Variants in RYR2 observed in about 807,000 individuals in gnomAD.
RYR2 encodes ryanodine receptor 2.
In RYR2, 227 loss-of-function variants were observed where a neutral mutation model predicts 601.1. The observed-to-expected ratio is 0.38, with a 90% confidence interval of 0.34 to 0.42. The LOEUF (loss-of-function observed/expected upper bound fraction) is 0.42. Ranked by LOEUF, RYR2 falls within the 10% of genes least tolerant of loss-of-function variation. The probability of loss-of-function intolerance (pLI) is 1.00; values close to 1 mark genes in which losing one functional copy is unlikely to be tolerated. For missense variants in RYR2, 4,646 were observed against 6,156.5 expected (o/e 0.75, Z 8.21); for synonymous variants, 2,223 against 2,175.1 (o/e 1.02, Z -0.61).
At chr1:237,805,518 T>C (rs1660522718) in intron 98 of RYR2, among the ~76,000 whole-genome samples, 2 of 145,452 alleles carry the variant, frequency 1.4e-5, no homozygotes, top group African/African-American at 5.2e-5. Flanking sequence ...GAGGCAGAGC[T>C]TGCAGTGAGC....
intron 1 of RYR2, among the ~76,000 whole-genome samples, chr1:237,201,055 A>G (rs538387273): frequency 2.6e-5 from 4 of 152,206 alleles, no homozygotes; most frequent in Non-Finnish European, 5.9e-5. Context: ...GCACAGGATG[A>G]CAGTTTTGGA....
At chr1:237,291,574 T>C (rs1227099407) in intron 2 of RYR2, among the ~76,000 whole-genome samples, 1 of 152,128 alleles carries the variant, frequency 6.6e-6, no homozygotes, top group East Asian at 1.9e-4. Flanking sequence ...AACTGGTGCA[T>C]CCAGACAATG....
intron 79 of RYR2, among the ~76,000 whole-genome samples, chr1:237,737,660 T>C (rs1391831389): frequency 6.6e-6 from 1 of 152,258 alleles, no homozygotes; most frequent in Non-Finnish European, 1.5e-5. Flanking sequence ...TACACTGTTA[T>C]CTCTTTCCAT....
intron 17 of RYR2, among the ~76,000 whole-genome samples, chr1:237,485,844 G>A (rs1368540294): frequency 6.6e-6 from 1 of 152,182 alleles, no homozygotes; most frequent in Non-Finnish European, 1.5e-5. Context: ...TATGCTAAGG[G>A]GAGTGGACTT....
chr1:237,656,928 C>A (rs79450580), intron 53 of RYR2, among the ~76,000 whole-genome samples: 1 of 152,148 alleles, frequency 6.6e-6, no homozygotes, highest in African/African-American at 2.4e-5. Flanking sequence ...GTATCTCTTC[C>A]GAAGTAAGTA....
chr1:237,795,893 CATAT>C (rs1356950077), intron 96 of RYR2, among the ~76,000 whole-genome samples: 2 of 144,274 alleles, frequency 1.4e-5, no homozygotes, highest in Non-Finnish European at 3.0e-5. Context: ...TATATACACA[CATAT>C]ATGGATACAC....
chr1:237,771,912 C>T lies in RYR2; in HGVS notation c.11558-100C>T. ...TAGATAAAAACACTGCACTAACCCA[C>T]AATGATTTTGCCATAGAAAGCATTT... On this transcript the variant is annotated intron_variant, in intron 85 of 104. Coordinates refer to ENST00000366574, the MANE Select transcript of RYR2 (RefSeq NM_001035.3). 1.6e-5 allele frequency: 11 copies of T among 689,520 alleles called. No individual in the cohort carries two copies. The South Asian group carries it at 1.8e-4, about 11-fold the overall frequency. The allele number at this position is 689,520 out of a possible 1,614,324, so 42.7% of individuals were successfully genotyped here.
chr1:237,372,061 A>G (rs1475549955), intron 6 of RYR2, among the ~76,000 whole-genome samples: 1 of 152,232 alleles, frequency 6.6e-6, no homozygotes, highest in Non-Finnish European at 1.5e-5. Context: ...AATAAAAAAT[A>G]AAAATAAAAA....
intron 12 of RYR2, among the ~76,000 whole-genome samples, chr1:237,434,357 A>G (rs1014518542): frequency 2.0e-5 from 3 of 152,184 alleles, no homozygotes; most frequent in African/African-American, 7.2e-5. Context: ...GCAACCCTAT[A>G]TATTCAGAAA....
At chr1:237,781,493 G>T in intron 88 of RYR2, 72 bp from the exon 89 acceptor site, 2 of 756,030 alleles carry the variant, frequency 2.6e-6, no homozygotes, top group Non-Finnish European at 2.3e-6. Context: ...CATCCTTTTT[G>T]TGAGAATAAG....
Position 237,595,584 on chromosome 1 carries a change from G to A in RYR2, c.4523G>A (p.Gly1508Asp). ...QGRNNNGLEI[G>D]CVVDAASGLL... Reference sequence around the variant, plus strand: ...CGCAACAATAATGGACTGGAGATTGGCTGTGTGGTGGATGCTGCCAGCGGG... The same window carrying A: ...CGCAACAATAATGGACTGGAGATTGACTGTGTGGTGGATGCTGCCAGCGGG... The change falls in exon 34 of 105, where the codon GGC becomes GAC. Residue 1508 changes from glycine (G) to aspartate (D), a missense_variant. Around this residue, in one of 17 missense-constraint regions of RYR2, gnomAD observed 1,807 missense variants for 2,088.1 expected, o/e 0.87. Coordinates refer to ENST00000366574, the MANE Select transcript of RYR2 (RefSeq NM_001035.3). The A allele has an allele frequency of 6.2e-7, 1 of 1,613,498 alleles. No homozygotes were observed. Among genetic ancestry groups the A allele is most frequent in the East Asian group, 2.2e-5 (1 of 44,822 alleles).
chr1:237,258,321 A>G (rs1424823798), intron 1 of RYR2, among the ~76,000 whole-genome samples: 1 of 152,072 alleles, frequency 6.6e-6, no homozygotes, highest in Non-Finnish European at 1.5e-5. Context: ...AGATCATGCA[A>G]TATGTCTGAT....
intron 71 of RYR2, among the ~76,000 whole-genome samples, chr1:237,715,065 A>C (rs1051756604): frequency 6.7e-6 from 1 of 148,760 alleles, no homozygotes. Flanking sequence ...AGGTTAGTCC[A>C]CTTCCCTTCT....
intron 4 of RYR2, among the ~76,000 whole-genome samples, chr1:237,357,164 T>C (rs1317758643): frequency 6.6e-6 from 1 of 152,200 alleles, no homozygotes. Flanking sequence ...TGAGAATAAT[T>C]TGAAGTCTTC....
intron 14 of RYR2, among the ~76,000 whole-genome samples, chr1:237,451,080 A>T (rs1056312846): frequency 1.3e-5 from 2 of 152,126 alleles, no homozygotes; most frequent in Non-Finnish European, 2.9e-5. Flanking sequence ...TTAAATGCAC[A>T]GGAGTATTAC....
At chr1:237,456,478 T>C (rs1052137525) in intron 15 of RYR2, 122 bp from the exon 16 acceptor site, 4 of 1,017,470 alleles carry the variant, frequency 3.9e-6, no homozygotes, top group Non-Finnish European at 5.3e-6. Flanking sequence ...GTTTTCTTTA[T>C]GATTAGTAGA....
intron 1 of RYR2, among the ~76,000 whole-genome samples, chr1:237,065,748 T>G (rs970334240): frequency 2.6e-5 from 4 of 152,190 alleles, no homozygotes; most frequent in Admixed American, 2.6e-4. Flanking sequence ...CTGGGTAATT[T>G]GTAAAGAAAA....
At chr1:237,642,579 C>T (rs549835180) in intron 47 of RYR2, among the ~76,000 whole-genome samples, 1 of 152,114 alleles carries the variant, frequency 6.6e-6, no homozygotes, top group Non-Finnish European at 1.5e-5. Context: ...GGGGACCAAC[C>T]TTGGCATTTC....
At chr1:237,472,683 T>A (rs1426315044) in intron 17 of RYR2, among the ~76,000 whole-genome samples, 2 of 146,308 alleles carry the variant, frequency 1.4e-5, no homozygotes. Context: ...TATATTTTTG[T>A]AAAAAAAAAA....
Sources: allele counts gnomAD v4.1 joint callset (sites outside exome capture counted in the v4.1 genomes callset), GRCh38; gene constraint gnomAD v4.1.1; regional missense constraint gnomAD v4.1.1; transcripts MANE v1.5; gene names NCBI Gene and HGNC (gene_info 2026-07-23, HGNC 2026-07-21).